Variants in ZNF512B observed in about 807,000 individuals in gnomAD.
The protein encoded by ZNF512B is zinc finger protein 512B.
A neutral mutation model predicts 87.8 loss-of-function variants in ZNF512B; 22 were observed. The observed-to-expected ratio is 0.25, with a 90% CI of 0.18 to 0.36. ZNF512B has a LOEUF of 0.36. ZNF512B is among the 10% of genes least tolerant of loss of function. The pLI, the probability that ZNF512B is intolerant of heterozygous loss-of-function variation, is 1.00. For missense variants in ZNF512B, 1,060 were observed against 1,231.6 expected, an observed-to-expected ratio of 0.86 and a Z score of 2.09; for synonymous variants, 524 against 490.9, an observed-to-expected ratio of 1.07 and a Z score of -0.89.
At position 63,962,956 on chromosome 20, in the gene ZNF512B, A is replaced by T. The variant is rs73624798; in HGVS notation, c.1968+139T>A. 2.2e-5 allele frequency: 29 copies of T among 1,294,862 alleles called. No individual in the cohort carries two copies. In the East Asian group the frequency reaches 7.1e-4, roughly 32 times the overall value. The allele number at this position is 1,294,862 out of a possible 1,614,324, so 80.2% of individuals were successfully genotyped here. A position where few individuals can be genotyped will look rare whatever the true frequency, so the allele number is the denominator to read the frequency against. The stretch of plus-strand genomic sequence containing the variant: ...AGGTTTCACCCTCCCGCCCACCAGG[A>T]CACACGTCTCTTACAGAGAGGGGTG... On this transcript the variant is annotated intron_variant, in intron 12 of 16. Transcript: ENST00000369888.
chr20:63,963,464 G>T, intron 10 of ZNF512B, 24 bp from the exon 11 acceptor site: 1 of 1,544,926 alleles, frequency 6.5e-7, no homozygotes, highest in South Asian at 1.2e-5. Flanking sequence ...GAGCATCGGT[G>T]ACCCGGCACC....
rs767671735 is a variant in ZNF512B at position 63,966,527 on chromosome 20, G to C, written c.648C>G (p.Val216=). 3.1e-6 allele frequency: 5 copies of C among 1,613,962 alleles called. No individual in the cohort carries two copies. The highest frequency in any genetic ancestry group is 1.1e-5 in the South Asian group (1 of 91,084). The change falls in exon 5 of 17, where the codon GTC becomes GTG. Residue 216 remains valine (V), a synonymous_variant. Transcript: ENST00000369888. ...TGACTGGCATGGGTCTGCCGACCGA[G>C]ACTGGCTTGCTGATGCCAATGGGTT... ...VSKPIGISKP[V]SVGRPMPVTK...
At position 63,967,010 on chromosome 20, in the gene ZNF512B, C is replaced by T. The variant is rs770948476; in HGVS notation, c.265-6G>A. ...CAGTCGTTCATCAGGGAGAGCTAGG[C>T]GTGGGGAAAGGTGGTGCTGCTGACC... is the stretch of plus-strand genomic sequence containing the variant. On this transcript the variant is annotated splice_region_variant and splice_polypyrimidine_tract_variant and intron_variant, in intron 3 of 16. Coordinates refer to ENST00000369888, the MANE Select transcript of ZNF512B (RefSeq NM_020713.3). 26 of 1,613,088 alleles carry T rather than the reference C, an allele frequency of 1.6e-5. No homozygotes were observed. The highest frequency in any genetic ancestry group is 6.7e-5 in the Admixed American group (4 of 59,990).
At chr20:63,963,564 G>T in intron 10 of ZNF512B, 54 bp downstream of exon 10, 4 of 1,604,014 alleles carry the variant, frequency 2.5e-6, no homozygotes, top group Non-Finnish European at 3.4e-6. Flanking sequence ...TGCGGTGAAG[G>T]TGGGGTGCGA....
intron 1 of ZNF512B, 29 bp from the exon 2 acceptor site, chr20:63,967,981 C>T: frequency 3.2e-6 from 5 of 1,584,660 alleles, no homozygotes; most frequent in South Asian, 1.1e-5. Flanking sequence ...ATCTGTGAAG[C>T]CTGACGGGCC....
rs1473806529 is a variant in ZNF512B, at chr20:63,960,042, T to G, written c.2525A>C (p.Lys842Thr). ...CTCCTTGGGCTTTCGGCCCCGCTTC[T>G]TTCCACCTGCCAGATTTTTCTTCTT... Reference protein sequence around the residue: ...KEKKKNLAGGKKRGRKPKERT... With the variant: ...KEKKKNLAGGTKRGRKPKERT... The change falls in exon 17 of 17, where the codon AAG becomes ACG. Residue 842 changes from lysine to threonine, a missense_variant. Coordinates refer to ENST00000369888, the MANE Select transcript of ZNF512B (RefSeq NM_020713.3). 1 of 1,613,828 alleles carries G rather than the reference T, an allele frequency of 6.2e-7. No homozygotes were observed. Among genetic ancestry groups the G allele is most frequent in the East Asian group, 2.2e-5 (1 of 44,902 alleles).
Position 63,967,411 on chromosome 20 carries a change from T to C in ZNF512B, c.234A>G (p.Lys78=). 6.2e-7 allele frequency: 1 copy of C among 1,612,404 alleles called. No individual in the cohort carries two copies. The highest frequency in any genetic ancestry group is 8.5e-7 in the Non-Finnish European group (1 of 1,179,038). The change falls in exon 3 of 17, where the codon AAA becomes AAG. Residue 78 remains lysine, a synonymous_variant. Transcript: ENST00000369888. ...TGTCTCGGAGGGCCTGGTTCTCGGC[T>C]TTTGGCCGCCCCTTTTTCTTCCCTT... ...KTEGKKKGRP[K]AENQALRDIP...
chr20:63,962,394 A>C lies in ZNF512B; in HGVS notation c.2164-20T>G. 6.2e-7 allele frequency: 1 copy of C among 1,603,914 alleles called. No homozygotes were observed. Among genetic ancestry groups the C allele is most frequent in the Non-Finnish European group, 8.5e-7 (1 of 1,176,698 alleles). ...GTTGAGCTGTGAATTCGACAGCACC[A>C]GGGTGAGCCTGAGGCCAGAAGACAC... On this transcript the variant is annotated intron_variant, in intron 13 of 16. Transcript: ENST00000369888.
In ZNF512B at chr20:63,963,845, C is replaced by A; in HGVS notation, c.1549G>T (p.Val517Leu). ...RGEAVCPTCN[V>L]VTRKTLVGLK... ...CCCACGAGAGTCTTCCGGGTGACCACGTTGCAGGTGGGGCAGACGGCTTCC... is the reference window on the plus strand; with the variant it reads ...CCCACGAGAGTCTTCCGGGTGACCAAGTTGCAGGTGGGGCAGACGGCTTCC... Residue 517 changes from valine (V) to leucine (L), a missense_variant, in exon 9 of 17, where the codon GTG becomes TTG. Around this residue, in one of 9 missense-constraint regions of ZNF512B, gnomAD observed 37 missense variants for 72.6 expected, o/e 0.51. Transcript: ENST00000369888. 1 of 1,612,848 alleles carries A rather than the reference C, an allele frequency of 6.2e-7. No homozygotes were observed. The highest frequency in any genetic ancestry group is 8.5e-7 in the Non-Finnish European group (1 of 1,180,012).
rs773011421 is a variant in ZNF512B, at chr20:63,966,249, C to T, written c.926G>A (p.Ser309Asn). ...PIVVSKPVTVSRPIAISRHTP... is the reference protein window; with the variant it reads ...PIVVSKPVTVNRPIAISRHTP... ...GTGTCTGCTGATAGCAATGGGCCTGCTGACTGTCACCGGCTTGCTGACCAC... is the reference window on the plus strand; with the variant it reads ...GTGTCTGCTGATAGCAATGGGCCTGTTGACTGTCACCGGCTTGCTGACCAC... The change falls in exon 5 of 17, where the codon AGC becomes AAC. Residue 309 changes from serine to asparagine, a missense_variant. Coordinates refer to ENST00000369888, the MANE Select transcript of ZNF512B (RefSeq NM_020713.3). 2 of 1,614,036 alleles carry T rather than the reference C, an allele frequency of 1.2e-6. No individual in the cohort carries two copies. The highest frequency in any genetic ancestry group is 3.3e-5 in the Admixed American group (2 of 60,028).
chr20:63,962,221 G>C, intron 14 of ZNF512B, 52 bp downstream of exon 14: 1 of 1,532,068 alleles, frequency 6.5e-7, no homozygotes, highest in Non-Finnish European at 8.8e-7. Context: ...CCACACCCAG[G>C]CTCTGGCCCT....
intron 5 of ZNF512B, among the ~76,000 whole-genome samples, 174 bp downstream of exon 5, chr20:63,965,967 C>T (rs576998298): frequency 9.0e-4 from 37 of 40,946 alleles, no homozygotes; most frequent in South Asian, 4.7e-3. Flanking sequence ...TACCTTTTCT[C>T]ACCACTGTTC....
intron 2 of ZNF512B, 108 bp downstream of exon 2, chr20:63,967,722 A>G: frequency 6.6e-7 from 1 of 1,525,922 alleles, no homozygotes; most frequent in Non-Finnish European, 8.8e-7. Context: ...TGGGAACTCT[A>G]GGGGCCTAGC....
rs1311629440 is a variant in ZNF512B, at chr20:63,958,694, A to G, written c.*1194T>C. ...TGACCCCTGCCCTACCTATAGACCC[A>G]GCCGTCCTCAGGGCCACAAAGGGGC... On this transcript the variant is annotated 3_prime_UTR_variant, in exon 17 of 17. Transcript: ENST00000369888. The G allele has an allele frequency of 6.6e-6, 1 of 152,288 alleles. No homozygotes were observed. Among genetic ancestry groups the G allele is most frequent in the Non-Finnish European group, 1.5e-5 (1 of 68,094 alleles). 9.4% of individuals were successfully genotyped at this position (152,288 alleles called of 1,614,324 possible). A position where few individuals can be genotyped will look rare whatever the true frequency, so the allele number is the denominator to read the frequency against.
intron 1 of ZNF512B, 140 bp from the exon 2 acceptor site, chr20:63,968,092 G>T: frequency 8.8e-7 from 1 of 1,134,924 alleles, no homozygotes; most frequent in Non-Finnish European, 1.2e-6. Flanking sequence ...TTGTTCACGT[G>T]GGAAAAGCAA....
chr20:63,966,626 G>A lies in ZNF512B; in HGVS notation c.549C>T (p.Ser183=), dbSNP rs775581213. 19 of 1,613,484 alleles carry A rather than the reference G, an allele frequency of 1.2e-5. No homozygotes were observed. The highest frequency in any genetic ancestry group is 1.5e-5 in the Non-Finnish European group (18 of 1,179,952). The part of the protein sequence containing the change: ...PGPISRPVTI[S]RPVGVSKPIG... ...TGGGCTTGCTGACCCCAACAGGCCG[G>A]CTGATGGTGACCGGCCTGCTGATGG... Residue 183 remains serine (S), a synonymous_variant, in exon 5 of 17, where the codon AGC becomes AGT. Transcript: ENST00000369888.
intron 12 of ZNF512B, 128 bp downstream of exon 12, chr20:63,962,966 CT>C: frequency 7.5e-7 from 1 of 1,335,828 alleles, no homozygotes; most frequent in Non-Finnish European, 1.0e-6. Flanking sequence ...ACACACGTCT[CT>C]TACAGAGAGG....
Position 63,966,416 on chromosome 20 carries a change from C to G in ZNF512B, c.759G>C (p.Pro253=). 6.2e-7 allele frequency: 1 copy of G among 1,613,918 alleles called. No homozygotes were observed. Among genetic ancestry groups the G allele is most frequent in the Non-Finnish European group, 8.5e-7 (1 of 1,180,012 alleles). ...SRPMPVTKAM[P]VTKPITVTKS... ...TGGTGACTGTGATGGGTTTGGTGACCGGCATGGCCTTGGTGACGGGCATGG... is the reference window on the plus strand; with the variant it reads ...TGGTGACTGTGATGGGTTTGGTGACGGGCATGGCCTTGGTGACGGGCATGG... Residue 253 remains proline (P), a synonymous_variant, in exon 5 of 17, where the codon CCG becomes CCC. Transcript: ENST00000369888.
In ZNF512B at chr20:63,961,912, C is replaced by A; in HGVS notation, c.2328+30G>T. 6.5e-7 allele frequency: 1 copy of A among 1,550,358 alleles called. No homozygotes were observed. Among genetic ancestry groups the A allele is most frequent in the East Asian group, 2.4e-5 (1 of 40,914 alleles). ...AGCTGGGAGCTCTGAGTGCAGCGCACCTGGCCGTGGGGCAGGCCCCAGAAC... is the reference window on the plus strand; with the variant it reads ...AGCTGGGAGCTCTGAGTGCAGCGCAACTGGCCGTGGGGCAGGCCCCAGAAC... On this transcript the variant is annotated intron_variant, in intron 15 of 16. Coordinates refer to ENST00000369888, the MANE Select transcript of ZNF512B (RefSeq NM_020713.3). The surrounding 1 kb of genome is among the most constrained non-coding windows in gnomAD (Gnocchi z 6.4).
Sources: gnomAD v4.1 joint callset for allele counts (sites outside exome capture counted in the v4.1 genomes callset) on GRCh38, gnomAD v4.1.1 for gene constraint, gnomAD v4.1.1 regional missense constraint, Gnocchi (gnomAD v3.1) non-coding constraint, MANE v1.5 for transcripts, NCBI Gene and HGNC (gene_info 2026-07-23, HGNC 2026-07-21) for gene names.